The following CHRM3 variants were observed in gnomAD, a reference collection of about 807,000 sequenced individuals.
The protein encoded by CHRM3 is cholinergic receptor muscarinic 3.
A neutral mutation model predicts 41.8 loss-of-function variants in CHRM3; 11 were observed. The ratio of observed to expected loss-of-function variants is 0.26; its 90% CI spans 0.17 to 0.44. The LOEUF (loss-of-function observed/expected upper bound fraction) is 0.44. Among genes scored for constraint, CHRM3 ranks in the 20% least tolerant of loss-of-function variants. The probability of loss-of-function intolerance (pLI) is 1.00; values close to 1 mark genes in which losing one functional copy is unlikely to be tolerated. For missense variants in CHRM3, 571 were observed against 745.4 expected (o/e 0.77, Z 2.72); for synonymous variants, 297 against 301.4 (o/e 0.99, Z 0.15).
At chr1:239,523,495 A>G (rs1669789758) in intron 2 of CHRM3, among the ~76,000 whole-genome samples, 1 of 152,226 alleles carries the variant, frequency 6.6e-6, no homozygotes, top group South Asian at 2.1e-4. Context: ...GGAAATAATC[A>G]GTGACAGATG....
At chr1:239,757,446 T>C (rs1666331614) in intron 5 of CHRM3, among the ~76,000 whole-genome samples, 1 of 151,908 alleles carries the variant, frequency 6.6e-6, no homozygotes, top group South Asian at 2.1e-4. Context: ...CTGGCTAACA[T>C]GGTGAAACCC....
At chr1:239,840,114 C>G (rs531435004) in intron 6 of CHRM3, among the ~76,000 whole-genome samples, 2 of 152,280 alleles carry the variant, frequency 1.3e-5, no homozygotes, top group South Asian at 2.1e-4. Context: ...CTCACTCTTC[C>G]CCAGAGCTAA....
At chr1:239,759,200 G>A (rs1382593475) in intron 5 of CHRM3, among the ~76,000 whole-genome samples, 6 of 115,644 alleles carry the variant, frequency 5.2e-5, no homozygotes, top group Non-Finnish European at 1.6e-5. Context: ...TTTTTTTAGA[G>A]AGAGGCTTAT....
intron 1 of CHRM3, among the ~76,000 whole-genome samples, chr1:239,423,548 A>C (rs1232458305): frequency 6.6e-6 from 1 of 152,156 alleles, no homozygotes; most frequent in East Asian, 1.9e-4. Context: ...TAAATGAAAC[A>C]ATTTAAATAA....
At chr1:239,713,067 C>T (rs1004938368) in intron 5 of CHRM3, among the ~76,000 whole-genome samples, 4 of 152,124 alleles carry the variant, frequency 2.6e-5, no homozygotes, top group Non-Finnish European at 4.4e-5. Context: ...CCGCTAAGCC[C>T]GGGCACAATC....
At chr1:239,874,324 T>C (rs866874157) in intron 6 of CHRM3, among the ~76,000 whole-genome samples, 11 of 118,570 alleles carry the variant, frequency 9.3e-5, no homozygotes, top group African/African-American at 3.0e-4. Context: ...TATATATATA[T>C]ATACACAGTT....
At chr1:239,867,741 G>A (rs1184211195) in intron 6 of CHRM3, among the ~76,000 whole-genome samples, 4 of 150,586 alleles carry the variant, frequency 2.7e-5, no homozygotes, top group Non-Finnish European at 1.5e-5. Context: ...ACTTAACATC[G>A]TACCTAGAAA....
At chr1:239,519,567 A>C (rs1669488105) in intron 2 of CHRM3, among the ~76,000 whole-genome samples, 1 of 152,088 alleles carries the variant, frequency 6.6e-6, no homozygotes, top group Non-Finnish European at 1.5e-5. Flanking sequence ...TTTTATCATC[A>C]AAAGAAGATC....
intron 2 of CHRM3, among the ~76,000 whole-genome samples, chr1:239,496,552 T>C (rs1038436734): frequency 6.6e-6 from 1 of 151,082 alleles, no homozygotes; most frequent in Non-Finnish European, 1.5e-5. Flanking sequence ...TGTATAATTA[T>C]ATATATTATA....
At chr1:239,461,270 T>C (rs748064082) in intron 1 of CHRM3, among the ~76,000 whole-genome samples, 27 of 152,304 alleles carry the variant, frequency 1.8e-4, no homozygotes, top group Non-Finnish European at 3.1e-4. Flanking sequence ...TTCCCCTTTA[T>C]AGTATAATGA....
chr1:239,708,736 C>CTTTTT lies in CHRM3; in HGVS notation c.-147+30471_-147+30475dup, dbSNP rs869143310. 7.2e-4 allele frequency among the ~76,000 whole-genome samples: 35 copies of CTTTTT among 48,340 alleles called. 1 individual carries two copies. Among genetic ancestry groups the CTTTTT allele is most frequent in the East Asian group, 2.4e-3 (3 of 1,272 alleles). 31.7% of individuals were successfully genotyped at this position (48,340 alleles called of 152,430 possible). Reference sequence around the variant, plus strand: ...CTTTGTTTCTTCTGGTTTAAATTTTCTTTTTTTTTTTTTTTTTTTTTTTTT... The same window carrying CTTTTT: ...CTTTGTTTCTTCTGGTTTAAATTTTCTTTTTTTTTTTTTTTTTTTTTTTTTTTTTT... On this transcript the variant is annotated intron_variant, in intron 5 of 6. Transcript: ENST00000676153.
intron 3 of CHRM3, among the ~76,000 whole-genome samples, chr1:239,572,167 T>C (rs1226700833): frequency 6.6e-6 from 1 of 152,188 alleles, no homozygotes; most frequent in African/African-American, 2.4e-5. Flanking sequence ...GGCTTCCATA[T>C]ATGCAGGGGA....
chr1:239,618,914 TA>T, intron 3 of CHRM3, among the ~76,000 whole-genome samples: 1 of 150,924 alleles, frequency 6.6e-6, no homozygotes, highest in Non-Finnish European at 1.5e-5. Context: ...ATGATTTATT[TA>T]TTTATTTATT....
rs540561887 is a variant in CHRM3, at chr1:239,763,386, C to A, written c.-146-63866C>A. The stretch of plus-strand genomic sequence containing the variant: ...TCAATGTCTCATGAATATATAATAT[C>A]ATTTAAACTTCATAGCTATTCTGTG... On this transcript the variant is annotated intron_variant, in intron 5 of 6. Coordinates refer to ENST00000676153, the MANE Select transcript of CHRM3 (RefSeq NM_001375978.1). Among the ~76,000 whole-genome samples, 7 of 152,294 alleles carry A rather than the reference C, an allele frequency of 4.6e-5. 1 individual carries two copies. Among genetic ancestry groups the A allele is most frequent in the African/African-American group, 1.4e-4 (6 of 41,572 alleles).
intron 1 of CHRM3, among the ~76,000 whole-genome samples, chr1:239,417,454 C>T (rs991350804): frequency 3.3e-5 from 5 of 151,964 alleles, no homozygotes; most frequent in Non-Finnish European, 4.4e-5. Context: ...AGCTGAGGAA[C>T]GGTTAACTTC....
At chr1:239,507,757 G>A (rs983313606) in intron 2 of CHRM3, among the ~76,000 whole-genome samples, 1 of 152,168 alleles carries the variant, frequency 6.6e-6, no homozygotes, top group East Asian at 1.9e-4. Context: ...AGCTGTGCTT[G>A]CTGGACTGTT....
chr1:239,871,668 A>T (rs770831983), intron 6 of CHRM3, among the ~76,000 whole-genome samples: 18 of 152,098 alleles, frequency 1.2e-4, no homozygotes, highest in Non-Finnish European at 1.5e-4. Flanking sequence ...CATTTGCAAT[A>T]TGTCTCTGTC....
intron 2 of CHRM3, among the ~76,000 whole-genome samples, chr1:239,545,047 TA>T (rs34088277): frequency 0.64 from 96,790 of 152,082 alleles, 37,207 homozygotes; most frequent in Non-Finnish European, 0.83. Context: ...TATGCATACA[TA>T]AGGTAATGAT....
intron 3 of CHRM3, among the ~76,000 whole-genome samples, chr1:239,580,303 C>T (rs917175303): frequency 8.3e-6 from 1 of 120,152 alleles, no homozygotes; most frequent in Non-Finnish European, 1.8e-5. Context: ...CACACACACA[C>T]ACACATCAAA....
Sources: gnomAD v4.1 joint callset for allele counts (sites outside exome capture counted in the v4.1 genomes callset) on GRCh38, gnomAD v4.1.1 for gene constraint, MANE v1.5 for transcripts, NCBI Gene and HGNC (gene_info 2026-07-23, HGNC 2026-07-21) for gene names.